Variants in BABAM2 observed in about 807,000 individuals in gnomAD.
BABAM2 encodes BRISC and BRCA1 A complex member 2.
In BABAM2, 31 loss-of-function variants were observed where a neutral mutation model predicts 54.7. The ratio of observed to expected loss-of-function variants is 0.57; its 90% CI spans 0.43 to 0.77. BABAM2 has a LOEUF of 0.77. Among genes scored for constraint, BABAM2 ranks in the 30% least tolerant of loss-of-function variants. The pLI is 0.00. For synonymous variants in BABAM2, 167 were observed against 162.9 expected (o/e 1.03, Z -0.19); for missense variants, 364 against 455.8 (o/e 0.80, Z 1.83).
intron 2 of BABAM2, among the ~76,000 whole-genome samples, chr2:27,917,907 A>T (rs1667099679): frequency 6.6e-6 from 1 of 152,174 alleles, no homozygotes; most frequent in African/African-American, 2.4e-5. Context: ...AAATATGTAG[A>T]TACTAATGGA....
At chr2:28,181,135 G>T (rs1675580895) in intron 7 of BABAM2, among the ~76,000 whole-genome samples, 2 of 152,012 alleles carry the variant, frequency 1.3e-5, no homozygotes, top group Non-Finnish European at 2.9e-5. Context: ...AAGGAAATAA[G>T]TATATCTAAG....
chr2:28,175,389 A>G (rs936589439), intron 7 of BABAM2, among the ~76,000 whole-genome samples: 5 of 152,178 alleles, frequency 3.3e-5, no homozygotes, highest in Non-Finnish European at 5.9e-5. Context: ...GGAGGCCCTG[A>G]GTACAAGCCC....
chr2:28,181,347 G>A (rs1008167606), intron 7 of BABAM2, among the ~76,000 whole-genome samples: 1 of 152,178 alleles, frequency 6.6e-6, no homozygotes, highest in African/African-American at 2.4e-5. Context: ...TGCAGGTTAA[G>A]TGTTAAGTGA....
chr2:27,928,584 A>G (rs1372012623), intron 2 of BABAM2, among the ~76,000 whole-genome samples: 2 of 152,166 alleles, frequency 1.3e-5, no homozygotes, highest in South Asian at 2.1e-4. Context: ...CCAAGTTGCC[A>G]TGTAGGGAAG....
At chr2:27,948,799 A>C (rs1447942643) in intron 3 of BABAM2, among the ~76,000 whole-genome samples, 1 of 152,266 alleles carries the variant, frequency 6.6e-6, no homozygotes, top group South Asian at 2.1e-4. Flanking sequence ...TTTTAAGATT[A>C]GATATTCTTG....
At chr2:28,106,167 A>G (rs1667507098) in intron 6 of BABAM2, among the ~76,000 whole-genome samples, 2 of 152,214 alleles carry the variant, frequency 1.3e-5, no homozygotes, top group Admixed American at 1.3e-4. Flanking sequence ...AAAAAAAATC[A>G]GGAAATTAAC....
intron 4 of BABAM2, among the ~76,000 whole-genome samples, chr2:28,010,144 A>G (rs1006501765): frequency 5.9e-5 from 9 of 152,098 alleles, no homozygotes; most frequent in African/African-American, 1.4e-4. Flanking sequence ...ATGTCCTTCA[A>G]TGGGACTGTT....
chr2:27,938,484 T>C (rs2148373810), intron 3 of BABAM2, among the ~76,000 whole-genome samples: 1 of 151,992 alleles, frequency 6.6e-6, no homozygotes, highest in South Asian at 2.1e-4. Context: ...CTCCGCCTCC[T>C]GGGTTCAAGC....
intron 2 of BABAM2, among the ~76,000 whole-genome samples, chr2:27,927,838 G>GTTTTTTTTTTTTTTT (rs376186465): frequency 2.2e-5 from 3 of 135,768 alleles, no homozygotes; most frequent in Non-Finnish European, 3.1e-5. Flanking sequence ...TAAAGTTTCT[G>GTTTTTTTTTTTTTTT]TTTTTTTTTT....
At chr2:28,202,084 A>G (rs1275274868) in intron 7 of BABAM2, among the ~76,000 whole-genome samples, 2 of 152,228 alleles carry the variant, frequency 1.3e-5, no homozygotes, top group Non-Finnish European at 1.5e-5. Context: ...AGATCCCAGA[A>G]CAATCTCTAG....
At chr2:28,199,004 C>T (rs545353977) in intron 7 of BABAM2, among the ~76,000 whole-genome samples, 2 of 152,278 alleles carry the variant, frequency 1.3e-5, no homozygotes, top group South Asian at 4.1e-4. Context: ...TGGTAATTTA[C>T]CTAAGATTAT....
chr2:28,190,658 G>T (rs1268172488), intron 7 of BABAM2, among the ~76,000 whole-genome samples: 1 of 152,178 alleles, frequency 6.6e-6, no homozygotes, highest in Admixed American at 6.5e-5. Context: ...TTGCACTCCA[G>T]CCTGGGCAAC....
intron 7 of BABAM2, among the ~76,000 whole-genome samples, chr2:28,229,165 T>C (rs1381043588): frequency 6.6e-6 from 1 of 152,172 alleles, no homozygotes. Context: ...TGGAACCAGA[T>C]GTCAAGTATG....
At chr2:28,053,300 A>G (rs1331665376) in intron 6 of BABAM2, among the ~76,000 whole-genome samples, 1 of 152,220 alleles carries the variant, frequency 6.6e-6, no homozygotes, top group African/African-American at 2.4e-5. Context: ...AGAGAGAAAG[A>G]CTGCTTTAAC....
chr2:28,021,527 T>C (rs1165318943), intron 4 of BABAM2, among the ~76,000 whole-genome samples: 1 of 152,196 alleles, frequency 6.6e-6, no homozygotes, highest in Non-Finnish European at 1.5e-5. Context: ...CAATGAAAAA[T>C]TAGTTTATTA....
chr2:27,998,781 G>A (rs934488421), intron 4 of BABAM2, among the ~76,000 whole-genome samples: 2 of 152,042 alleles, frequency 1.3e-5, no homozygotes, highest in Admixed American at 6.5e-5. Flanking sequence ...CTATTAATTC[G>A]TTATTTTAAG....
intron 4 of BABAM2, among the ~76,000 whole-genome samples, chr2:28,011,122 C>T (rs1032102054): frequency 1.3e-5 from 2 of 152,076 alleles, no homozygotes; most frequent in African/African-American, 2.4e-5. Flanking sequence ...AGGGAAGTCT[C>T]CCCCACAAAA....
intron 10 of BABAM2, among the ~76,000 whole-genome samples, chr2:28,262,524 T>C (rs1215969875): frequency 6.6e-6 from 1 of 151,836 alleles, no homozygotes; most frequent in Non-Finnish European, 1.5e-5. Flanking sequence ...GGAAAAACTG[T>C]GATTGATCCC....
At chr2:28,127,501 G>A (rs1669658584) in intron 6 of BABAM2, among the ~76,000 whole-genome samples, 1 of 150,518 alleles carries the variant, frequency 6.6e-6, no homozygotes, top group African/African-American at 2.4e-5. Context: ...TCTGTGAAGG[G>A]GAGGAGCGAG....
Sources: gnomAD v4.1 joint callset for allele counts (sites outside exome capture counted in the v4.1 genomes callset) on GRCh38, gnomAD v4.1.1 for gene constraint, MANE v1.5 for transcripts, NCBI Gene and HGNC (gene_info 2026-07-23, HGNC 2026-07-21) for gene names.